The following NYNRIN variants were observed in gnomAD, a reference collection of about 807,000 sequenced individuals.
NYNRIN encodes the protein protein NYNRIN.
A neutral mutation model predicts 146.6 loss-of-function variants in NYNRIN; 86 were observed. The observed-to-expected ratio is 0.59, with a 90% CI of 0.49 to 0.70. The LOEUF is 0.70. NYNRIN is among the 30% of genes least tolerant of loss of function. The pLI, the probability that NYNRIN is intolerant of heterozygous loss-of-function variation, is 0.00. For synonymous variants in NYNRIN, 1,027 were observed against 1,001.3 expected, an observed-to-expected ratio of 1.03 and a Z score of -0.48; for missense variants, 2,191 against 2,377.7, an observed-to-expected ratio of 0.92 and a Z score of 1.63.
At position 24,415,415 on chromosome 14, in the gene NYNRIN, C is replaced by G; in HGVS notation, c.3666C>G (p.Cys1222Trp). The G allele has an allele frequency of 6.2e-7, 1 of 1,614,014 alleles. No homozygotes were observed. The highest frequency in any genetic ancestry group is 2.2e-5 in the East Asian group (1 of 44,882). The change falls in exon 9 of 9, where the codon TGC (cysteine) becomes TGG (tryptophan). Residue 1222 changes from cysteine (C) to tryptophan (W), a missense_variant. Physicochemically the swap from Cys to Trp is radical, Grantham distance 215. Transcript: ENST00000382554. ...VAWALKHFSR[C>W]IGDTPVVLDL... ...GGGCCCTCAAGCATTTTTCCCGCTG[C>G]ATTGGAGACACCCCGGTGGTCCTGG...
At chr14:24,407,058 T>G (rs756877046) in intron 2 of NYNRIN, among the ~76,000 whole-genome samples, 1 of 152,000 alleles carries the variant, frequency 6.6e-6, no homozygotes, top group Non-Finnish European at 1.5e-5. Context: ...GGCAACAGAG[T>G]TACTATGATT....
intron 2 of NYNRIN, among the ~76,000 whole-genome samples, chr14:24,402,056 C>G (rs1225400889): frequency 6.6e-6 from 1 of 151,936 alleles, no homozygotes. Flanking sequence ...GTGAGGGTGG[C>G]TTGTTGGGGT....
chr14:24,415,100 C>T lies in NYNRIN; in HGVS notation c.3351C>T (p.Pro1117=). 1.2e-6 allele frequency: 2 copies of T among 1,609,148 alleles called. No homozygotes were observed. The highest frequency in any genetic ancestry group is 1.7e-6 in the Non-Finnish European group (2 of 1,179,726). ...CTGACTATGAAGCCCTAGTGGGCCC[C>T]CTGCACAGCCTCCTCAAGCAGAAGC... is the stretch of plus-strand genomic sequence containing the variant. The part of the protein sequence containing the change: ...AIPDYEALVG[P]LHSLLKQKPD... Residue 1117 remains proline, a synonymous_variant, in exon 9 of 9, where the codon CCC becomes CCT. Transcript: ENST00000382554.
Position 24,409,361 on chromosome 14 carries a change from C to T in NYNRIN, c.1567C>T (p.Pro523Ser). The T allele has an allele frequency of 6.2e-7, 1 of 1,614,020 alleles. No individual in the cohort carries two copies. Among genetic ancestry groups the T allele is most frequent in the Non-Finnish European group, 8.5e-7 (1 of 1,179,890 alleles). ...AGTGCTGCCAACAGGGCAAGGGAAGCCCGTGGCTCAAGGGGGGCTGACAGA... is the reference window on the plus strand; with the variant it reads ...AGTGCTGCCAACAGGGCAAGGGAAGTCCGTGGCTCAAGGGGGGCTGACAGA... ...APVLPTGQGKPVAQGGLTDQS... is the reference protein window; with the variant it reads ...APVLPTGQGKSVAQGGLTDQS... The change falls in exon 4 of 9, where the codon CCC (proline) becomes TCC (serine). Residue 523 changes from proline to serine, a missense_variant. Physicochemically the swap from Pro to Ser is moderately conservative, Grantham distance 74. Coordinates refer to ENST00000382554, the MANE Select transcript of NYNRIN (RefSeq NM_025081.3).
At chr14:24,410,707 T>TA (rs1419538332) in intron 4 of NYNRIN, among the ~76,000 whole-genome samples, 1 of 152,214 alleles carries the variant, frequency 6.6e-6, no homozygotes. Context: ...TGCCACATGA[T>TA]AGAGTAGTTA....
intron 2 of NYNRIN, 138 bp downstream of exon 2, chr14:24,399,582 G>T: frequency 1.4e-6 from 1 of 736,744 alleles, no homozygotes. Context: ...GGCAGGTAGT[G>T]GGCCATCCTC....
chr14:24,415,136 G>T lies in NYNRIN; in HGVS notation c.3387G>T (p.Gln1129His), dbSNP rs1235175219. The T allele has an allele frequency of 1.2e-6, 2 of 1,605,634 alleles. No homozygotes were observed. The highest frequency in any genetic ancestry group is 3.3e-5 in the Admixed American group (2 of 59,954). ...TCCTCAAGCAGAAGCCTGACTGGCA[G>T]TGGGACCAGGAGCATGAGGAGGCCT... ...HSLLKQKPDW[Q>H]WDQEHEEAFL... The change falls in exon 9 of 9, where the codon CAG becomes CAT. Residue 1129 changes from glutamine (Q) to histidine (H), a missense_variant. Coordinates refer to ENST00000382554, the MANE Select transcript of NYNRIN (RefSeq NM_025081.3).
chr14:24,401,992 A>G (rs978930407), intron 2 of NYNRIN, among the ~76,000 whole-genome samples: 3 of 152,180 alleles, frequency 2.0e-5, no homozygotes, highest in African/African-American at 7.2e-5. Flanking sequence ...ATAGGCCAAC[A>G]GGCAGAGAGG....
Position 24,417,600 on chromosome 14 carries a change from C to A in NYNRIN, c.*154C>A. On this transcript the variant is annotated 3_prime_UTR_variant, in exon 9 of 9. Transcript: ENST00000382554. Reference sequence around the variant, plus strand: ...TAAAGCTTTGCTGAATTGCCTTGAACTAGGGACCAGCATCCCCATGGAAAC... The same window carrying A: ...TAAAGCTTTGCTGAATTGCCTTGAAATAGGGACCAGCATCCCCATGGAAAC... The A allele has an allele frequency of 9.0e-7, 1 of 1,107,200 alleles. No individual in the cohort carries two copies. The allele number at this position is 1,107,200 out of a possible 1,614,324, so 68.6% of individuals were successfully genotyped here.
In NYNRIN at chr14:24,409,598, A is replaced by G. The variant is rs867127147; in HGVS notation, c.1804A>G (p.Thr602Ala). ...AAAGCCAACAGCTCAACTGATGGCCACAGCTCAAAAAACAGTTGTGAATCA... is the reference window on the plus strand; with the variant it reads ...AAAGCCAACAGCTCAACTGATGGCCGCAGCTCAAAAAACAGTTGTGAATCA... ...PTKPTAQLMA[T>A]AQKTVVNQPV... The change falls in exon 4 of 9, where the codon ACA becomes GCA. Residue 602 changes from threonine (T) to alanine (A), a missense_variant. This residue lies in a region of NYNRIN where 895 missense variants were observed against 941.2 expected (regional missense o/e 0.95). Coordinates refer to ENST00000382554, the MANE Select transcript of NYNRIN (RefSeq NM_025081.3). 6.2e-7 allele frequency: 1 copy of G among 1,609,400 alleles called. No individual in the cohort carries two copies. The highest frequency in any genetic ancestry group is 1.3e-5 in the African/African-American group (1 of 74,954).
intron 2 of NYNRIN, among the ~76,000 whole-genome samples, chr14:24,403,430 C>T (rs2042857196): frequency 6.6e-6 from 1 of 152,162 alleles, no homozygotes; most frequent in East Asian, 1.9e-4. Context: ...TTCTTGGCAT[C>T]CTTTGCCTTT....
At chr14:24,401,342 A>G (rs1254924555) in intron 2 of NYNRIN, among the ~76,000 whole-genome samples, 2 of 151,672 alleles carry the variant, frequency 1.3e-5, no homozygotes, top group Non-Finnish European at 2.9e-5. Context: ...ACCCAGCGTG[A>G]GGGGATTCTG....
rs766462162 is a variant in NYNRIN, at chr14:24,409,262, C to T, written c.1468C>T (p.Gln490Ter). The T allele has an allele frequency of 1.2e-6, 2 of 1,614,046 alleles. No individual in the cohort carries two copies. The highest frequency in any genetic ancestry group is 1.7e-6 in the Non-Finnish European group (2 of 1,179,886). The change falls in exon 4 of 9, where the codon CAG becomes TAG. Residue 490 changes from glutamine to a stop codon, truncating the protein, a stop_gained. Transcript: ENST00000382554. LOFTEE classifies it high-confidence loss of function. Reference sequence around the variant, plus strand: ...ACCCTTGACCTCTACACCCCAACTACAGGCTGGAGGTGAGCCGGGGGATCA... The same window carrying T: ...ACCCTTGACCTCTACACCCCAACTATAGGCTGGAGGTGAGCCGGGGGATCA... The part of the protein sequence containing the change: ...GPPLTSTPQL[Q>*]AGGEPGDQGS...
rs778066759 is a variant in NYNRIN, at chr14:24,416,564, A to G, written c.4815A>G (p.Pro1605=). Residue 1605 remains proline (P), a synonymous_variant, in exon 9 of 9, where the codon CCA becomes CCG. Coordinates refer to ENST00000382554, the MANE Select transcript of NYNRIN (RefSeq NM_025081.3). ...IGSELKVIES[P]WPLRSTAPWS... is the part of the protein sequence containing the mutation. ...GCGAGTTGAAGGTTATTGAGTCCCC[A>G]TGGCCCCTCAGGTCGACCGCCCCCT... The G allele has an allele frequency of 6.2e-7, 1 of 1,613,954 alleles. No homozygotes were observed. The highest frequency in any genetic ancestry group is 8.5e-7 in the Non-Finnish European group (1 of 1,179,860).
intron 3 of NYNRIN, 34 bp downstream of exon 3, chr14:24,408,561 T>C (rs949222839): frequency 1.3e-6 from 2 of 1,543,764 alleles, no homozygotes; most frequent in African/African-American, 1.4e-5. Flanking sequence ...GCTTCTCTGA[T>C]CCTACCCCTG....
Position 24,415,222 on chromosome 14 carries a change from T to G in NYNRIN, c.3473T>G (p.Leu1158Arg). Residue 1158 changes from leucine to arginine, a missense_variant, in exon 9 of 9, where the codon CTG (leucine) becomes CGG (arginine). Around this residue, in one of 3 missense-constraint regions of NYNRIN, gnomAD observed 1,291 missense variants for 1,417.0 expected, o/e 0.91. Transcript: ENST00000382554. ...TGCCTGATGGCCCCCAACTCCCAGC[T>G]GCCCTTCCGCCTGGAGGTGACCGTG... ...ALCLMAPNSQLPFRLEVTVSH... is the reference protein window; with the variant it reads ...ALCLMAPNSQRPFRLEVTVSH... 6.2e-7 allele frequency: 1 copy of G among 1,612,778 alleles called. No individual in the cohort carries two copies. Among genetic ancestry groups the G allele is most frequent in the Non-Finnish European group, 8.5e-7 (1 of 1,179,854 alleles).
In NYNRIN at chr14:24,415,095, G is replaced by A; in HGVS notation, c.3346G>A (p.Gly1116Ser). ...DAIPDYEALV[G>S]PLHSLLKQKP... Reference sequence around the variant, plus strand: ...CATCCCTGACTATGAAGCCCTAGTGGGCCCCCTGCACAGCCTCCTCAAGCA... The same window carrying A: ...CATCCCTGACTATGAAGCCCTAGTGAGCCCCCTGCACAGCCTCCTCAAGCA... The change falls in exon 9 of 9, where the codon GGC becomes AGC. Residue 1116 changes from glycine (G) to serine (S), a missense_variant. Transcript: ENST00000382554. 1 of 1,609,978 alleles carries A rather than the reference G, an allele frequency of 6.2e-7. No individual in the cohort carries two copies.
Position 24,408,758 on chromosome 14 carries a change from C to A in NYNRIN, c.964C>A (p.Gln322Lys), listed in dbSNP as rs1359398019. The A allele has an allele frequency of 1.2e-6, 2 of 1,613,948 alleles. No homozygotes were observed. The highest frequency in any genetic ancestry group is 1.3e-5 in the African/African-American group (1 of 75,058). Residue 322 changes from glutamine (Q) to lysine (K), a missense_variant, in exon 4 of 9, where the codon CAA becomes AAA. Coordinates refer to ENST00000382554, the MANE Select transcript of NYNRIN (RefSeq NM_025081.3). Reference sequence around the variant, plus strand: ...GAACCACACACAAGCCTTGTTGAAGCAAAGGCAGGTCCAGAAGATAGAAGA... The same window carrying A: ...GAACCACACACAAGCCTTGTTGAAGAAAAGGCAGGTCCAGAAGATAGAAGA... ...STNHTQALLK[Q>K]RQVQKIEDKL...
chr14:24,399,061 G>A lies in NYNRIN; in HGVS notation c.-43G>A, dbSNP rs890027344. On this transcript the variant is annotated 5_prime_UTR_variant, in exon 1 of 9. Coordinates refer to ENST00000382554, the MANE Select transcript of NYNRIN (RefSeq NM_025081.3). Reference sequence around the variant, plus strand: ...AGCGGTCGAAGGGGACCAAGCTCCAGAGGGCGGGCGCCCGAGCCGTGCGGG... The same window carrying A: ...AGCGGTCGAAGGGGACCAAGCTCCAAAGGGCGGGCGCCCGAGCCGTGCGGG... 16 of 542,666 alleles carry A rather than the reference G, an allele frequency of 2.9e-5. No homozygotes were observed. The Admixed American group carries it at 6.3e-4, about 21-fold the overall frequency. 33.6% of individuals were successfully genotyped at this position (542,666 alleles called of 1,614,324 possible). A position where few individuals can be genotyped will look rare whatever the true frequency, so the allele number is the denominator to read the frequency against.
Sources: allele counts gnomAD v4.1 joint callset (sites outside exome capture counted in the v4.1 genomes callset), GRCh38; gene constraint gnomAD v4.1.1; regional missense constraint gnomAD v4.1.1; transcripts MANE v1.5; gene names NCBI Gene and HGNC (gene_info 2026-07-23, HGNC 2026-07-21).